Variants in NKAIN3 observed in about 807,000 individuals in gnomAD.
NKAIN3 encodes the protein sodium/potassium-transporting ATPase subunit beta-1-interacting protein 3.
In NKAIN3, 25 loss-of-function variants were observed where a neutral mutation model predicts 30.2. The observed-to-expected ratio is 0.83, with a 90% confidence interval of 0.60 to 1.16. NKAIN3 has a LOEUF of 1.16. Among genes scored for constraint, NKAIN3 ranks in the 50% most tolerant of loss-of-function variants. The probability of loss-of-function intolerance (pLI) is 0.00; values close to 1 mark genes in which losing one functional copy is unlikely to be tolerated. For synonymous variants in NKAIN3, 91 were observed against 89.6 expected (o/e 1.02, Z -0.09); for missense variants, 225 against 254.1 (o/e 0.89, Z 0.78).
At chr8:62,262,836 G>T (rs999588090) in intron 1 of NKAIN3, among the ~76,000 whole-genome samples, 17 of 152,034 alleles carry the variant, frequency 1.1e-4, no homozygotes, top group African/African-American at 3.6e-4. Context: ...TGTTTGTTTG[G>T]CTCAACCAAA....
At chr8:62,858,176 G>A (rs1166158537) in intron 4 of NKAIN3, among the ~76,000 whole-genome samples, 1 of 152,088 alleles carries the variant, frequency 6.6e-6, no homozygotes, top group Non-Finnish European at 1.5e-5. Context: ...GTACCTGGAG[G>A]TATCACCACC....
chr8:62,903,743 C>G (rs985037481), intron 4 of NKAIN3, among the ~76,000 whole-genome samples: 8 of 152,260 alleles, frequency 5.3e-5, no homozygotes, highest in African/African-American at 1.9e-4. Context: ...GTTTAATTGA[C>G]TCACAGTTCA....
rs1441952096 is a variant in NKAIN3 at position 62,990,132 on chromosome 8, T to C, written c.533-9099T>C. On this transcript the variant is annotated intron_variant, in intron 5 of 5. Transcript: ENST00000519049. ...AATCTAATAAGATCAATTTAAATGT[T>C]GATATTTTAAAAATCAACTTATTTT... is the stretch of plus-strand genomic sequence containing the variant. The C allele has an allele frequency of 3.1e-6, 3 of 963,838 alleles. No individual in the cohort carries two copies. The South Asian group carries it at 4.9e-5, about 16-fold the overall frequency. 59.7% of individuals were successfully genotyped at this position (963,838 alleles called of 1,614,324 possible). A position where few individuals can be genotyped will look rare whatever the true frequency, so the allele number is the denominator to read the frequency against.
rs962079932 is a variant in NKAIN3 at position 62,967,755 on chromosome 8, T to C, written c.*2348T>C. Reference sequence around the variant, plus strand: ...TCAGTAAAAAAGGATAAAATGAGTATTGACATATTTTAAACTGTCACTTAA... The same window carrying C: ...TCAGTAAAAAAGGATAAAATGAGTACTGACATATTTTAAACTGTCACTTAA... On this transcript the variant is annotated 3_prime_UTR_variant, in exon 7 of 7. Transcript: ENST00000623646. Among the ~76,000 whole-genome samples, 2 of 152,190 alleles carry C rather than the reference T, an allele frequency of 1.3e-5. No individual in the cohort carries two copies. Among genetic ancestry groups the C allele is most frequent in the African/African-American group, 2.4e-5 (1 of 41,464 alleles).
At chr8:62,762,870 G>A (rs1441998597) in intron 4 of NKAIN3, among the ~76,000 whole-genome samples, 2 of 151,870 alleles carry the variant, frequency 1.3e-5, no homozygotes, top group African/African-American at 2.4e-5. Context: ...AAAAAGTACA[G>A]TACAAACACA....
At chr8:62,460,411 CAAA>C (rs34652304) in intron 1 of NKAIN3, among the ~76,000 whole-genome samples, 9 of 120,284 alleles carry the variant, frequency 7.5e-5, no homozygotes, top group Admixed American at 1.7e-4. Context: ...AATTCCATCT[CAAA>C]AAAAAAAAAA....
At chr8:62,681,787 T>C (rs929151722) in intron 3 of NKAIN3, among the ~76,000 whole-genome samples, 1 of 152,236 alleles carries the variant, frequency 6.6e-6, no homozygotes, top group Admixed American at 6.5e-5. Context: ...GCTTTATAAA[T>C]GTATAATCTT....
intron 3 of NKAIN3, among the ~76,000 whole-genome samples, chr8:62,740,243 A>G (rs976546861): frequency 6.6e-6 from 1 of 152,160 alleles, no homozygotes; most frequent in Non-Finnish European, 1.5e-5. Flanking sequence ...AAGAAGTTCA[A>G]TTGGCATGAA....
chr8:62,945,921 TG>T (rs2130888423), intron 5 of NKAIN3, among the ~76,000 whole-genome samples: 2 of 152,126 alleles, frequency 1.3e-5, no homozygotes, highest in Non-Finnish European at 2.9e-5. Context: ...CAGGACAGAG[TG>T]GGAAGCATCC....
intron 1 of NKAIN3, among the ~76,000 whole-genome samples, chr8:62,461,383 T>C (rs1006803755): frequency 1.3e-5 from 2 of 152,158 alleles, no homozygotes; most frequent in Non-Finnish European, 2.9e-5. Context: ...AGTTGCCACA[T>C]TACCATGTTC....
chr8:62,871,098 C>A (rs1820628376), intron 4 of NKAIN3, among the ~76,000 whole-genome samples: 2 of 151,878 alleles, frequency 1.3e-5, no homozygotes, highest in South Asian at 4.2e-4. Context: ...GACTGACACA[C>A]TCAAGCTATT....
At chr8:62,740,953 TTTTTC>T (rs1277169199) in intron 3 of NKAIN3, among the ~76,000 whole-genome samples, 10 of 152,018 alleles carry the variant, frequency 6.6e-5, no homozygotes, top group Non-Finnish European at 1.5e-5. Context: ...TATCAGGTGC[TTTTTC>T]TTTTTCTCCT....
At chr8:62,406,153 A>G (rs1300089127) in intron 1 of NKAIN3, among the ~76,000 whole-genome samples, 1 of 152,228 alleles carries the variant, frequency 6.6e-6, no homozygotes, top group Non-Finnish European at 1.5e-5. Context: ...GTCTATCCTC[A>G]GTGCCTAACA....
rs1425920365 is a variant in NKAIN3 at position 62,667,376 on chromosome 8, A to T, written c.273+77582A>T. On this transcript the variant is annotated intron_variant, in intron 3 of 6. Transcript: ENST00000623646. Reference sequence around the variant, plus strand: ...ATATATATCTGTATATATATATATAAATATATATATATATAAAGAAATTCC... The same window carrying T: ...ATATATATCTGTATATATATATATATATATATATATATATAAAGAAATTCC... 1.5e-3 allele frequency among the ~76,000 whole-genome samples: 215 copies of T among 139,816 alleles called. 1 individual carries two copies. Among genetic ancestry groups the T allele is most frequent in the East Asian group, 0.011 (54 of 4,960 alleles). 91.7% of individuals were successfully genotyped at this position (139,816 alleles called of 152,430 possible).
At chr8:62,316,961 C>T (rs1489142361) in intron 1 of NKAIN3, among the ~76,000 whole-genome samples, 2 of 152,048 alleles carry the variant, frequency 1.3e-5, no homozygotes, top group Non-Finnish European at 2.9e-5. Context: ...TTTTAATGAT[C>T]GCCATTCTAA....
intron 4 of NKAIN3, among the ~76,000 whole-genome samples, chr8:62,783,720 CT>C (rs1291591227): frequency 6.6e-6 from 1 of 151,528 alleles, no homozygotes; most frequent in Non-Finnish European, 1.5e-5. Context: ...AAGCAATCCT[CT>C]GGCCTCAGCC....
chr8:62,790,003 C>T (rs1159475000), intron 4 of NKAIN3, among the ~76,000 whole-genome samples: 3 of 151,914 alleles, frequency 2.0e-5, no homozygotes, highest in African/African-American at 4.8e-5. Flanking sequence ...GGCAGAGACA[C>T]AATAAAAAAA....
At chr8:62,674,239 TG>T (rs746430416) in intron 3 of NKAIN3, among the ~76,000 whole-genome samples, 20 of 152,236 alleles carry the variant, frequency 1.3e-4, no homozygotes, top group Non-Finnish European at 2.4e-4. Context: ...TCTTGTGGCC[TG>T]GGCCTTGGCT....
At chr8:62,850,949 G>T (rs1299696362) in intron 4 of NKAIN3, among the ~76,000 whole-genome samples, 1 of 151,916 alleles carries the variant, frequency 6.6e-6, no homozygotes, top group East Asian at 1.9e-4. Context: ...GGTCTTTTTT[G>T]GTTCCATATG....
Sources: gnomAD v4.1 joint callset for allele counts (sites outside exome capture counted in the v4.1 genomes callset) on GRCh38, gnomAD v4.1.1 for gene constraint, MANE v1.5 for transcripts, NCBI Gene and HGNC (gene_info 2026-07-23, HGNC 2026-07-21) for gene names.